The following KLHL1 variants were observed in gnomAD, a reference collection of about 807,000 sequenced individuals.
KLHL1 encodes the protein kelch-like protein 1.
KLHL1 carries 47 observed loss-of-function variants against 77.7 expected under a neutral mutation model. That is an observed-to-expected ratio of 0.60 (90% CI 0.48 to 0.77). The LOEUF (loss-of-function observed/expected upper bound fraction) is 0.77. Ranked by LOEUF, KLHL1 falls within the 30% of genes least tolerant of loss-of-function variation. The probability of loss-of-function intolerance (pLI) is 0.00; values close to 1 mark genes in which losing one functional copy is unlikely to be tolerated. For missense variants in KLHL1, 925 were observed against 910.8 expected (o/e 1.02, Z -0.20); for synonymous variants, 360 against 325.2 (o/e 1.11, Z -1.15).
At chr13:70,080,608 T>A (rs1407135952) in intron 1 of KLHL1, among the ~76,000 whole-genome samples, 2 of 152,114 alleles carry the variant, frequency 1.3e-5, no homozygotes, top group African/African-American at 4.8e-5. Context: ...TTTTATTTTA[T>A]CATTTTTGAG....
At chr13:69,858,919 TTCTA>T (rs1880027916) in intron 5 of KLHL1, among the ~76,000 whole-genome samples, 1 of 152,008 alleles carries the variant, frequency 6.6e-6, no homozygotes, top group African/African-American at 2.4e-5. Flanking sequence ...AAATAAGACA[TTCTA>T]TTCTTAAAAC....
At chr13:70,016,437 C>T (rs1406647907) in intron 1 of KLHL1, among the ~76,000 whole-genome samples, 3 of 152,336 alleles carry the variant, frequency 2.0e-5, no homozygotes, top group South Asian at 2.1e-4. Flanking sequence ...CCCGTAGGCT[C>T]GTAAGTGCCT....
At chr13:69,816,407 T>C (rs948355885) in intron 6 of KLHL1, among the ~76,000 whole-genome samples, 1 of 151,650 alleles carries the variant, frequency 6.6e-6, no homozygotes, top group Non-Finnish European at 1.5e-5. Context: ...ATTACAGGCA[T>C]GTGCCGCCAC....
At chr13:70,085,198 A>G (rs760663177) in intron 1 of KLHL1, among the ~76,000 whole-genome samples, 1 of 152,214 alleles carries the variant, frequency 6.6e-6, no homozygotes, top group Non-Finnish European at 1.5e-5. Context: ...CAGAAAAGCT[A>G]AACAAAGAGA....
chr13:69,800,904 T>C (rs563164324), intron 6 of KLHL1, among the ~76,000 whole-genome samples: 87 of 152,290 alleles, frequency 5.7e-4, no homozygotes, highest in African/African-American at 2.0e-3. Context: ...TGCAGTGCTA[T>C]GTAATAAACT....
intron 1 of KLHL1, among the ~76,000 whole-genome samples, chr13:70,104,927 A>G (rs1190476298): frequency 7.2e-5 from 11 of 152,092 alleles, no homozygotes; most frequent in African/African-American, 2.2e-4. Context: ...GCATATTAAA[A>G]TATTATATAC....
intron 1 of KLHL1, among the ~76,000 whole-genome samples, chr13:70,015,792 T>C (rs2137344823): frequency 6.6e-6 from 1 of 152,320 alleles, no homozygotes; most frequent in East Asian, 1.9e-4. Context: ...ATGGGTTTAC[T>C]GGACATAATC....
chr13:69,921,040 T>A lies in KLHL1; in HGVS notation c.1014+19000A>T, dbSNP rs192014110. ...GATAAAATGAAGAGCCTCTGTATGTTAAAATGTAAATGTTGTTAATGACCA... is the reference window on the plus strand; with the variant it reads ...GATAAAATGAAGAGCCTCTGTATGTAAAAATGTAAATGTTGTTAATGACCA... On this transcript the variant is annotated intron_variant, in intron 4 of 10. Transcript: ENST00000377844. Among the ~76,000 whole-genome samples the A allele has an allele frequency of 5.6e-3, 847 of 152,320 alleles. 8 individuals carry two copies. The highest frequency in any genetic ancestry group is 6.8e-3 in the Admixed American group (104 of 15,292).
intron 8 of KLHL1, among the ~76,000 whole-genome samples, chr13:69,734,145 T>G (rs1240349625): frequency 6.6e-6 from 1 of 152,172 alleles, no homozygotes; most frequent in East Asian, 1.9e-4. Context: ...TCCCTCTTGG[T>G]ACTGTCCTTA....
At chr13:69,780,127 T>TC (rs1208627963) in intron 7 of KLHL1, among the ~76,000 whole-genome samples, 1 of 152,120 alleles carries the variant, frequency 6.6e-6, no homozygotes, top group East Asian at 1.9e-4. Context: ...ATTTTATCAA[T>TC]CAGATATCCA....
chr13:70,004,938 A>G (rs1354400974), intron 1 of KLHL1, among the ~76,000 whole-genome samples: 1 of 151,546 alleles, frequency 6.6e-6, no homozygotes, highest in Non-Finnish European at 1.5e-5. Flanking sequence ...TATATCTATT[A>G]CCTATCTACA....
chr13:69,717,313 C>T (rs575080680), intron 9 of KLHL1, among the ~76,000 whole-genome samples: 1 of 152,142 alleles, frequency 6.6e-6, no homozygotes, highest in South Asian at 2.1e-4. Context: ...CACAGAGGCA[C>T]AGTTGCATAT....
intron 1 of KLHL1, among the ~76,000 whole-genome samples, chr13:70,051,022 A>G (rs1479640340): frequency 2.0e-5 from 3 of 151,986 alleles, no homozygotes; most frequent in African/African-American, 4.8e-5. Context: ...TTTGGGCTTT[A>G]ATGCCAGGTT....
intron 1 of KLHL1, among the ~76,000 whole-genome samples, chr13:70,101,861 G>C (rs1194793287): frequency 6.6e-6 from 1 of 151,384 alleles, no homozygotes; most frequent in Non-Finnish European, 1.5e-5. Context: ...CATAGACAAA[G>C]TAAGCTTTCC....
chr13:69,875,127 A>G (rs1566352768), intron 5 of KLHL1, among the ~76,000 whole-genome samples: 1 of 152,134 alleles, frequency 6.6e-6, no homozygotes, highest in Non-Finnish European at 1.5e-5. Flanking sequence ...TGTCAAACAC[A>G]ATTGAGATTG....
intron 7 of KLHL1, among the ~76,000 whole-genome samples, chr13:69,782,432 C>T (rs148554070): frequency 0.24 from 37,142 of 152,058 alleles, 4,662 homozygotes; most frequent in South Asian, 0.34. Flanking sequence ...GGGTGACAGA[C>T]GGCACCTGGA....
chr13:70,048,594 G>C (rs1028421789), intron 1 of KLHL1, among the ~76,000 whole-genome samples: 3 of 152,148 alleles, frequency 2.0e-5, no homozygotes, highest in Non-Finnish European at 4.4e-5. Context: ...GTAGAGAAGC[G>C]GGGGCGGTTT....
intron 6 of KLHL1, among the ~76,000 whole-genome samples, chr13:69,816,864 A>G (rs1878142607): frequency 6.6e-6 from 1 of 152,192 alleles, no homozygotes; most frequent in Non-Finnish European, 1.5e-5. Flanking sequence ...AGGCTGAGGC[A>G]GCAGAATCAC....
chr13:70,032,326 AAAG>A (rs1237783339), intron 1 of KLHL1, among the ~76,000 whole-genome samples: 1 of 152,208 alleles, frequency 6.6e-6, no homozygotes, highest in Non-Finnish European at 1.5e-5. Flanking sequence ...CCTTCAGTAT[AAAG>A]AAGAGAAAAT....
Sources: allele counts gnomAD v4.1 joint callset (sites outside exome capture counted in the v4.1 genomes callset), GRCh38; gene constraint gnomAD v4.1.1; transcripts MANE v1.5; gene names NCBI Gene and HGNC (gene_info 2026-07-23, HGNC 2026-07-21).